SHANK1: variants seen among roughly 807,000 people sequenced by gnomAD.
SHANK1 encodes SH3 and multiple ankyrin repeat domains protein 1.
In SHANK1, 35 loss-of-function variants were observed where a neutral mutation model predicts 165.6. The observed-to-expected ratio is 0.21, with a 90% CI of 0.16 to 0.28. The LOEUF is 0.28. SHANK1 is among the 10% of genes least tolerant of loss of function. SHANK1 has a pLI of 1.00. For missense variants in SHANK1, 2,681 were observed against 3,036.4 expected (o/e 0.88, Z 2.75); for synonymous variants, 1,428 against 1,384.8 (o/e 1.03, Z -0.69).
chr19:50,713,941 A>G lies in SHANK1; in HGVS notation c.649T>C (p.Leu217=), dbSNP rs2089038789. Residue 217 remains leucine, a synonymous_variant, in exon 6 of 24, where the codon TTG becomes CTG. Transcript: ENST00000293441. The surrounding 1 kb of genome is among the most constrained non-coding windows in gnomAD (Gnocchi z 6.2). ...YHDSDSGETP[L]TLAAQTEGSV... is the part of the protein sequence containing the mutation. ...CCTTCGGTCTGGGCCGCCAGTGTCA[A>G]GGGGGTCTCTGAAGGGCGGGAAAAG... 3 of 1,613,706 alleles carry G rather than the reference A, an allele frequency of 1.9e-6. No homozygotes were observed. Among genetic ancestry groups the G allele is most frequent in the Admixed American group, 3.3e-5 (2 of 59,994 alleles).
chr19:50,710,283 A>G (rs1045259789), intron 8 of SHANK1, among the ~76,000 whole-genome samples: 1 of 152,220 alleles, frequency 6.6e-6, no homozygotes, highest in African/African-American at 2.4e-5. Flanking sequence ...GCTGGCTGCC[A>G]CAAGGCGGCA....
chr19:50,696,769 C>T (rs1279533584), intron 15 of SHANK1, among the ~76,000 whole-genome samples: 1 of 152,134 alleles, frequency 6.6e-6, no homozygotes, highest in Non-Finnish European at 1.5e-5. Flanking sequence ...CCCACCTGTC[C>T]ATGTGTGTGA....
At position 50,668,119 on chromosome 19, in the gene SHANK1, G is replaced by A. The variant is rs1985624942; in HGVS notation, c.3841C>T (p.Arg1281Trp). Residue 1281 changes from arginine to tryptophan, a missense_variant, in exon 23 of 24, where the codon CGG (arginine) becomes TGG (tryptophan). By Grantham distance (101) the Arg-to-Trp change is moderately radical. Coordinates refer to ENST00000293441, the MANE Select transcript of SHANK1 (RefSeq NM_016148.5). ...TCGATGGATTTGGAGTGGCGCAGCC[G>A]CGGGCCCGGGGCCGCCCCTGTGCCC... is the stretch of plus-strand genomic sequence containing the variant. The part of the protein sequence containing the change: ...GLGTGAAPGP[R>W]LRHSKSIDEG... 1 of 1,475,934 alleles carries A rather than the reference G, an allele frequency of 6.8e-7. No homozygotes were observed. The highest frequency in any genetic ancestry group is 8.9e-7 in the Non-Finnish European group (1 of 1,119,264). 91.4% of individuals were successfully genotyped at this position (1,475,934 alleles called of 1,614,324 possible).
At chr19:50,703,947 A>G in intron 10 of SHANK1, 117 bp from the exon 11 acceptor site, 1 of 735,156 alleles carries the variant, frequency 1.4e-6, no homozygotes, top group East Asian at 2.6e-5. Flanking sequence ...CAGAGATGAG[A>G]AAGGGAGGGG....
rs1396386985 is a variant in SHANK1, at chr19:50,688,895, C to T, written c.2121G>A (p.Glu707=). 3 of 1,587,556 alleles carry T rather than the reference C, an allele frequency of 1.9e-6. No homozygotes were observed. In the African/African-American group the frequency reaches 4.0e-5, roughly 21 times the overall value. ...PALQYLESVD[E]GGVAWRAGLR... ...GTCCAGCTCGCCATGCCACGCCACC[C>T]TCGTCCACCGACTCCAGGTACTGCA... The change falls in exon 17 of 24, where the codon GAG becomes GAA. Residue 707 remains glutamate (E), a synonymous_variant. Transcript: ENST00000293441. The surrounding 1 kb of genome is among the most constrained non-coding windows in gnomAD (Gnocchi z 6.7).
rs10414474 is a variant in SHANK1, at chr19:50,660,845, G to A, written c.*1120C>T. ...GGAGTGGGAGCCTGGCAAAGAAGAA[G>A]AGAATGAGCATGTGTGAGAGAAACA... On this transcript the variant is annotated 3_prime_UTR_variant, in exon 24 of 24. Coordinates refer to ENST00000293441, the MANE Select transcript of SHANK1 (RefSeq NM_016148.5). 6.7e-6 allele frequency among the ~76,000 whole-genome samples: 1 copy of A among 149,524 alleles called. No homozygotes were observed. Among genetic ancestry groups the A allele is most frequent in the Non-Finnish European group, 1.5e-5 (1 of 67,716 alleles).
At chr19:50,708,181 G>A (rs939097971) in intron 8 of SHANK1, among the ~76,000 whole-genome samples, 7 of 151,922 alleles carry the variant, frequency 4.6e-5, no homozygotes, top group East Asian at 1.9e-4. Context: ...TCCTGACCTC[G>A]TGATCCGCCT....
Position 50,688,863 on chromosome 19 carries a change from A to G in SHANK1, c.2153T>C (p.Met718Thr), listed in dbSNP as rs150447745. 1.1e-4 allele frequency: 169 copies of G among 1,603,366 alleles called. No individual in the cohort carries two copies. The highest frequency in any genetic ancestry group is 1.3e-4 in the Non-Finnish European group (153 of 1,175,098). ...GGVAWRAGLRMGDFLIEVNGQ... is the reference protein window; with the variant it reads ...GGVAWRAGLRTGDFLIEVNGQ... ...ACTGACCTCGATGAGGAAGTCTCCCATTCGCAGTCCAGCTCGCCATGCCAC... is the reference window on the plus strand; with the variant it reads ...ACTGACCTCGATGAGGAAGTCTCCCGTTCGCAGTCCAGCTCGCCATGCCAC... The change falls in exon 17 of 24, where the codon ATG becomes ACG. Residue 718 changes from methionine (M) to threonine (T), a missense_variant. Met to Thr is a moderately conservative substitution (Grantham distance 81). Around this residue, in one of 10 missense-constraint regions of SHANK1, gnomAD observed 147 missense variants for 256.5 expected, o/e 0.57. Coordinates refer to ENST00000293441, the MANE Select transcript of SHANK1 (RefSeq NM_016148.5). This position sits in a 1 kb window ranked among gnomAD's most constrained non-coding sequence, Gnocchi z 6.7.
intron 6 of SHANK1, 119 bp from the exon 7 acceptor site, chr19:50,712,233 G>A (rs1478835298): frequency 3.9e-6 from 4 of 1,035,044 alleles, no homozygotes; most frequent in Non-Finnish European, 5.6e-6. Context: ...GCCAATGACA[G>A]TCTCAGTTCT....
At chr19:50,673,312 G>T (rs1179675249) in intron 21 of SHANK1, among the ~76,000 whole-genome samples, 2 of 152,142 alleles carry the variant, frequency 1.3e-5, no homozygotes, top group Non-Finnish European at 1.5e-5. Flanking sequence ...CCCACACGAA[G>T]ACAGGTCCTG....
At chr19:50,671,876 C>T in intron 22 of SHANK1, 142 bp downstream of exon 22, 1 of 652,374 alleles carries the variant, frequency 1.5e-6, no homozygotes, top group Non-Finnish European at 2.7e-6. Flanking sequence ...CACCCATTTC[C>T]AAAGCCTGAA....
rs267605595 is a variant in SHANK1 at position 50,662,388 on chromosome 19, G to A, written c.6063C>T (p.Pro2021=). 1.9e-6 allele frequency: 3 copies of A among 1,573,530 alleles called. No homozygotes were observed. Among genetic ancestry groups the A allele is most frequent in the Non-Finnish European group, 2.6e-6 (3 of 1,158,704 alleles). ...GGTAGAGGGGTCCGGAAGGCAGGAT[G>A]GGCAGGGACGAGGGCCTGGGCGCAG... ...VSPAPRPSSL[P]ILPSGPLYPG... is the part of the protein sequence containing the mutation. Residue 2021 remains proline, a synonymous_variant, in exon 24 of 24, where the codon CCC becomes CCT. Transcript: ENST00000293441. The surrounding 1 kb of genome is among the most constrained non-coding windows in gnomAD (Gnocchi z 7.7).
At position 50,686,943 on chromosome 19, in the gene SHANK1, G is replaced by A. The variant is rs1016418406; in HGVS notation, c.2390-131C>T. The stretch of plus-strand genomic sequence containing the variant: ...GGCGCGAGAGGGGCAGTGAGGGGCC[G>A]GGGTCAGGGAGGGGCGAGTCCGCCG... On this transcript the variant is annotated intron_variant, in intron 19 of 23. Coordinates refer to ENST00000293441, the MANE Select transcript of SHANK1 (RefSeq NM_016148.5). The surrounding 1 kb of genome is among the most constrained non-coding windows in gnomAD (Gnocchi z 5.7). 1.2e-4 allele frequency: 169 copies of A among 1,354,476 alleles called. No individual in the cohort carries two copies. The highest frequency in any genetic ancestry group is 1.6e-4 in the Non-Finnish European group (163 of 1,015,052). 83.9% of individuals were successfully genotyped at this position (1,354,476 alleles called of 1,614,324 possible).
Position 50,697,772 on chromosome 19 carries a change from C to T in SHANK1, c.1861+71G>A, listed in dbSNP as rs1035644019. 1.2e-5 allele frequency: 18 copies of T among 1,512,222 alleles called. No homozygotes were observed. Among genetic ancestry groups the T allele is most frequent in the Middle Eastern group, 1.7e-4 (1 of 5,898 alleles). The allele number at this position is 1,512,222 out of a possible 1,614,324, so 93.7% of individuals were successfully genotyped here. A position where few individuals can be genotyped will look rare whatever the true frequency, so the allele number is the denominator to read the frequency against. The stretch of plus-strand genomic sequence containing the variant: ...CATCTACCTCCCAGTACCCCACCCC[C>T]ATTAGGAAGGGAAAGGAGTGGACGT... On this transcript the variant is annotated intron_variant, in intron 13 of 23. Transcript: ENST00000293441. The surrounding 1 kb of genome is among the most constrained non-coding windows in gnomAD (Gnocchi z 4.7).
intron 8 of SHANK1, among the ~76,000 whole-genome samples, chr19:50,707,875 G>GTTTTTCTTCTCTTTTCTT (rs2088957895): frequency 7.5e-6 from 1 of 134,196 alleles, no homozygotes. Flanking sequence ...ACTTTTGCGT[G>GTTTTTCTTCTCTTTTCTT]TTTTTCTTTT....
Position 50,702,751 on chromosome 19 carries a change from G to A in SHANK1, c.1554-91C>T. On this transcript the variant is annotated intron_variant, in intron 11 of 23. Coordinates refer to ENST00000293441, the MANE Select transcript of SHANK1 (RefSeq NM_016148.5). This position sits in a 1 kb window ranked among gnomAD's most constrained non-coding sequence, Gnocchi z 5.3. ...GGTCCTTGGGTGGGGGAAGAGGACG[G>A]TGCATCAGGGGGGAGGGGGGGTTTC... is the stretch of plus-strand genomic sequence containing the variant. 2.5e-6 allele frequency: 2 copies of A among 794,866 alleles called. No homozygotes were observed. The highest frequency in any genetic ancestry group is 3.9e-6 in the Non-Finnish European group (2 of 515,322). 49.2% of individuals were successfully genotyped at this position (794,866 alleles called of 1,614,324 possible).
intron 4 of SHANK1, 118 bp from the exon 5 acceptor site, chr19:50,714,408 G>A (rs752871353): frequency 3.2e-4 from 259 of 800,888 alleles, no homozygotes; most frequent in Non-Finnish European, 4.7e-4. Context: ...CCATTGAAAA[G>A]CTTCTAGCAG....
Position 50,667,822 on chromosome 19 carries a change from G to T in SHANK1, c.4138C>A (p.Pro1380Thr). 5 of 1,299,862 alleles carry T rather than the reference G, an allele frequency of 3.8e-6. No individual in the cohort carries two copies. The highest frequency in any genetic ancestry group is 4.9e-6 in the Non-Finnish European group (5 of 1,028,776). 80.5% of individuals were successfully genotyped at this position (1,299,862 alleles called of 1,614,324 possible). Residue 1380 changes from proline (P) to threonine (T), a missense_variant, in exon 23 of 24, where the codon CCC becomes ACC. Physicochemically the swap from Pro to Thr is conservative, Grantham distance 38. Transcript: ENST00000293441. This position sits in a 1 kb window ranked among gnomAD's most constrained non-coding sequence, Gnocchi z 5.7. Reference sequence around the variant, plus strand: ...GGGGCCTCGTAGCGGGGCGATGGGGGCCTGGGAGGCGGCTGGGGGGCCCCG... The same window carrying T: ...GGGGCCTCGTAGCGGGGCGATGGGGTCCTGGGAGGCGGCTGGGGGGCCCCG... ...GGGAPQPPPR[P>T]PSPRYEAPPP...
Position 50,672,085 on chromosome 19 carries a change from C to T in SHANK1, c.2607G>A (p.Gln869=), listed in dbSNP as rs1465583867. ...ESSFDPHHRA[Q]PSYERPSFLP... Reference sequence around the variant, plus strand: ...GGAAAGAAGGACGCTCGTAACTTGGCTGGGCACGGTGGTGGGGATCGAAGC... The same window carrying T: ...GGAAAGAAGGACGCTCGTAACTTGGTTGGGCACGGTGGTGGGGATCGAAGC... Residue 869 remains glutamine, a synonymous_variant, in exon 22 of 24, where the codon CAG becomes CAA. Coordinates refer to ENST00000293441, the MANE Select transcript of SHANK1 (RefSeq NM_016148.5). 2.5e-6 allele frequency: 4 copies of T among 1,613,936 alleles called. No homozygotes were observed. Among genetic ancestry groups the T allele is most frequent in the East Asian group, 2.2e-5 (1 of 44,888 alleles).
Sources: allele counts gnomAD v4.1 joint callset (sites outside exome capture counted in the v4.1 genomes callset), GRCh38; gene constraint gnomAD v4.1.1; regional missense constraint gnomAD v4.1.1; non-coding constraint Gnocchi (gnomAD v3.1); transcripts MANE v1.5; gene names NCBI Gene and HGNC (gene_info 2026-07-23, HGNC 2026-07-21).